Variants in KSR2 observed in about 807,000 individuals in gnomAD.
KSR2 encodes kinase suppressor of ras 2.
Under a neutral mutation model 107.8 loss-of-function variants are expected in KSR2, and 25 were observed. The observed-to-expected ratio is 0.23, with a 90% CI of 0.17 to 0.32. The LOEUF (loss-of-function observed/expected upper bound fraction) is 0.32, where lower values mean the gene tolerates loss of function less well. Among genes scored for constraint, KSR2 ranks in the 10% least tolerant of loss-of-function variants. The probability of loss-of-function intolerance (pLI) is 1.00; values close to 1 mark genes in which losing one functional copy is unlikely to be tolerated. For synonymous variants in KSR2, 480 were observed against 507.0 expected (o/e 0.95, Z 0.71); for missense variants, 887 against 1,268.9 (o/e 0.70, Z 4.57).
intron 1 of KSR2, among the ~76,000 whole-genome samples, chr12:117,957,132 C>G (rs1230124344): frequency 1.3e-5 from 2 of 152,204 alleles, no homozygotes; most frequent in Admixed American, 1.3e-4. Context: ...CCCCTTCGCC[C>G]TCTGTTTCTC....
In KSR2 at chr12:117,667,458, C is replaced by T. The variant is rs374270458; in HGVS notation, c.1171+16G>A. The T allele has an allele frequency of 2.8e-4, 444 of 1,604,438 alleles. 10 individuals are homozygous for T. The South Asian group carries it at 4.6e-3, about 17-fold the overall frequency. ...CATGGCAAGCGTTCCCAGTGCAGCC[C>T]GGCAGGGTGACTTACTTGCAGAGAA... On this transcript the variant is annotated intron_variant, in intron 5 of 19. Transcript: ENST00000339824.
In KSR2 at chr12:117,860,359, C is replaced by G; in HGVS notation, c.253G>C (p.Glu85Gln). The G allele has an allele frequency of 1.2e-6, 2 of 1,613,828 alleles. No homozygotes were observed. The highest frequency in any genetic ancestry group is 8.5e-7 in the Non-Finnish European group (1 of 1,179,814). The change falls in exon 2 of 20, where the codon GAG becomes CAG. Residue 85 changes from glutamate (E) to glutamine (Q), a missense_variant. By Grantham distance (29) the Glu-to-Gln change is conservative. Coordinates refer to ENST00000339824, the MANE Select transcript of KSR2 (RefSeq NM_173598.6). ...CGTAGCTGGGGGAAGCCGTCCAGCTCCGCGTTGCGCTCCTGCAAGGCTACC... is the reference window on the plus strand; with the variant it reads ...CGTAGCTGGGGGAAGCCGTCCAGCTGCGCGTTGCGCTCCTGCAAGGCTACC... ...KKVALQERNA[E>Q]LDGFPQLRHW... is the part of the protein sequence containing the mutation.
Position 117,622,456 on chromosome 12 carries a change from T to C in KSR2, c.1172-40097A>G, listed in dbSNP as rs372295331. On this transcript the variant is annotated intron_variant, in intron 5 of 19. Coordinates refer to ENST00000339824, the MANE Select transcript of KSR2 (RefSeq NM_173598.6). ...GTTACTTTATTCAACTGGCATCTTA[T>C]TCTCAATGAGCCTATTTGTGCAATT... 2.5e-3 allele frequency among the ~76,000 whole-genome samples: 374 copies of C among 152,262 alleles called. 1 individual carries two copies. Among genetic ancestry groups the C allele is most frequent in the Non-Finnish European group, 2.7e-3 (187 of 68,010 alleles).
At chr12:117,849,728 CAG>C (rs1333033757) in intron 3 of KSR2, among the ~76,000 whole-genome samples, 3 of 152,184 alleles carry the variant, frequency 2.0e-5, no homozygotes, top group African/African-American at 7.2e-5. Context: ...CAGACAGACA[CAG>C]AGACAGAGAC....
intron 5 of KSR2, among the ~76,000 whole-genome samples, chr12:117,596,797 C>T (rs1033137704): frequency 1.3e-5 from 2 of 152,166 alleles, no homozygotes; most frequent in African/African-American, 4.8e-5. Context: ...GCATGTCCCT[C>T]TAATCAGTTA....
At chr12:117,951,108 C>G (rs771629479) in intron 1 of KSR2, among the ~76,000 whole-genome samples, 1 of 152,022 alleles carries the variant, frequency 6.6e-6, no homozygotes, top group African/African-American at 2.4e-5. Flanking sequence ...CGGGATTTCA[C>G]TGTGTTAGCC....
intron 1 of KSR2, among the ~76,000 whole-genome samples, chr12:117,865,579 A>G (rs55730408): frequency 0.031 from 4,653 of 151,842 alleles, 86 homozygotes; most frequent in Non-Finnish European, 0.05. Context: ...CTGGTCTTGA[A>G]CTCCTGGGCT....
At chr12:117,923,549 C>T (rs1895409612) in intron 1 of KSR2, among the ~76,000 whole-genome samples, 1 of 152,108 alleles carries the variant, frequency 6.6e-6, no homozygotes, top group Non-Finnish European at 1.5e-5. Flanking sequence ...CCAGCAGTCC[C>T]AACTACTCAG....
At chr12:117,821,957 G>T (rs949036049) in intron 3 of KSR2, among the ~76,000 whole-genome samples, 1 of 152,118 alleles carries the variant, frequency 6.6e-6, no homozygotes, top group Non-Finnish European at 1.5e-5. Flanking sequence ...ATGGGAGGTT[G>T]GCAAGAAATA....
At chr12:117,504,681 A>G (rs1405029579) in intron 14 of KSR2, among the ~76,000 whole-genome samples, 1 of 152,180 alleles carries the variant, frequency 6.6e-6, no homozygotes, top group Non-Finnish European at 1.5e-5. Context: ...GACTGGTGCC[A>G]CAGTATATAC....
chr12:117,479,604 AG>A (rs1235980307), intron 16 of KSR2, among the ~76,000 whole-genome samples: 1 of 152,178 alleles, frequency 6.6e-6, no homozygotes, highest in Non-Finnish European at 1.5e-5. Flanking sequence ...TGTCCCCTGG[AG>A]GGGAAAAATG....
At chr12:117,515,087 T>A (rs1259258539) in intron 14 of KSR2, among the ~76,000 whole-genome samples, 1 of 152,198 alleles carries the variant, frequency 6.6e-6, no homozygotes, top group African/African-American at 2.4e-5. Context: ...CGTTGGAGAA[T>A]CATCCAGTTA....
At chr12:117,736,420 A>T (rs1217526421) in intron 4 of KSR2, among the ~76,000 whole-genome samples, 1 of 152,186 alleles carries the variant, frequency 6.6e-6, no homozygotes, top group Non-Finnish European at 1.5e-5. Context: ...TGCCTGGCCC[A>T]TAATAAGGAC....
chr12:117,942,949 G>A (rs1896055934), intron 1 of KSR2, among the ~76,000 whole-genome samples: 3 of 152,118 alleles, frequency 2.0e-5, no homozygotes, highest in African/African-American at 7.2e-5. Flanking sequence ...ACCGTATGCT[G>A]GAATGTTATA....
intron 4 of KSR2, among the ~76,000 whole-genome samples, chr12:117,707,435 G>C (rs937165848): frequency 6.6e-6 from 1 of 152,144 alleles, no homozygotes; most frequent in African/African-American, 2.4e-5. Flanking sequence ...GTTTTAAAAA[G>C]AATAGAATAA....
intron 3 of KSR2, among the ~76,000 whole-genome samples, chr12:117,785,351 G>T (rs952838218): frequency 5.9e-5 from 8 of 134,748 alleles, no homozygotes; most frequent in African/African-American, 2.1e-4. Context: ...GGAGGTGAAG[G>T]TTGCAGTGAG....
At chr12:117,467,317 C>T in intron 19 of KSR2, 112 bp from the exon 20 acceptor site, 1 of 548,472 alleles carries the variant, frequency 1.8e-6, no homozygotes, top group Non-Finnish European at 3.3e-6. Flanking sequence ...ATGAACTGTT[C>T]CTGTCTTCTG....
intron 4 of KSR2, among the ~76,000 whole-genome samples, chr12:117,671,316 C>T (rs1412351389): frequency 6.6e-6 from 1 of 152,182 alleles, no homozygotes; most frequent in African/African-American, 2.4e-5. Flanking sequence ...TTCTCTCTCT[C>T]TCGATTGATT....
intron 14 of KSR2, among the ~76,000 whole-genome samples, chr12:117,493,750 T>C (rs1872871491): frequency 6.6e-6 from 1 of 152,204 alleles, no homozygotes; most frequent in South Asian, 2.1e-4. Flanking sequence ...TCTCTCAGAA[T>C]TCCCATGTGT....
Sources: gnomAD v4.1 joint callset for allele counts (sites outside exome capture counted in the v4.1 genomes callset) on GRCh38, gnomAD v4.1.1 for gene constraint, MANE v1.5 for transcripts, NCBI Gene and HGNC (gene_info 2026-07-23, HGNC 2026-07-21) for gene names.